PAPSS1: variants seen among roughly 807,000 people sequenced by gnomAD.
PAPSS1 encodes the protein bifunctional 3'-phosphoadenosine 5'-phosphosulfate synthase 1.
PAPSS1 carries 50 observed loss-of-function variants against 72.0 expected under a neutral mutation model. The observed-to-expected ratio is 0.69, with a 90% CI of 0.55 to 0.88. PAPSS1 has a LOEUF of 0.88. Ranked by LOEUF, PAPSS1 falls within the 40% of genes least tolerant of loss-of-function variation. The pLI is 0.00. For synonymous variants in PAPSS1, 261 were observed against 263.6 expected (o/e 0.99, Z 0.09); for missense variants, 657 against 782.2 (o/e 0.84, Z 1.91).
intron 10 of PAPSS1, among the ~76,000 whole-genome samples, chr4:107,633,391 C>A (rs1341879265): frequency 1.3e-5 from 2 of 152,090 alleles, no homozygotes; most frequent in African/African-American, 4.8e-5. Flanking sequence ...ATTTTAATCC[C>A]CTTTTTGCAC....
At chr4:107,678,247 A>T (rs1474414203) in intron 5 of PAPSS1, among the ~76,000 whole-genome samples, 3 of 6,508 alleles carry the variant, frequency 4.6e-4, no homozygotes, top group African/African-American at 5.3e-4. Flanking sequence ...TAAAAAAAAT[A>T]AGAGATGGAA....
chr4:107,693,723 A>G, intron 3 of PAPSS1, 48 bp downstream of exon 3: 1 of 1,331,636 alleles, frequency 7.5e-7, no homozygotes. Flanking sequence ...CTGATACCAT[A>G]TTCTCAATAA....
intron 9 of PAPSS1, among the ~76,000 whole-genome samples, chr4:107,651,389 T>G (rs553303946): frequency 2.0e-5 from 3 of 152,322 alleles, no homozygotes; most frequent in African/African-American, 7.2e-5. Flanking sequence ...AACCTTCACA[T>G]GAATAAAGTC....
intron 1 of PAPSS1, among the ~76,000 whole-genome samples, chr4:107,705,167 C>T (rs1471144479): frequency 6.6e-6 from 1 of 152,046 alleles, no homozygotes; most frequent in Admixed American, 6.6e-5. Flanking sequence ...GTAATGCTGG[C>T]CTCATAAAAT....
intron 4 of PAPSS1, among the ~76,000 whole-genome samples, chr4:107,685,576 G>A (rs898988027): frequency 2.0e-5 from 3 of 152,152 alleles, no homozygotes; most frequent in African/African-American, 7.2e-5. Context: ...AATTATTCTG[G>A]TTAAGCAGCC....
intron 10 of PAPSS1, among the ~76,000 whole-genome samples, chr4:107,635,800 T>A (rs1726362247): frequency 6.6e-6 from 1 of 152,208 alleles, no homozygotes; most frequent in Admixed American, 6.5e-5. Flanking sequence ...AATTATGTAA[T>A]AAACATTACT....
At chr4:107,620,227 A>G (rs1348138629) in intron 11 of PAPSS1, among the ~76,000 whole-genome samples, 1 of 152,238 alleles carries the variant, frequency 6.6e-6, no homozygotes, top group East Asian at 1.9e-4. Flanking sequence ...ACGAAAAATA[A>G]TAGTGGTAAC....
chr4:107,615,709 A>G (rs541258523), intron 11 of PAPSS1, among the ~76,000 whole-genome samples: 1 of 152,196 alleles, frequency 6.6e-6, no homozygotes, highest in East Asian at 1.9e-4. Flanking sequence ...TTAATGATAA[A>G]TAAAATAACC....
At chr4:107,709,719 G>A (rs9884413) in intron 1 of PAPSS1, among the ~76,000 whole-genome samples, 5,131 of 152,216 alleles carry the variant, frequency 0.034, 305 homozygotes, top group African/African-American at 0.12. Flanking sequence ...CCAACCAGAA[G>A]TGTACTTAAC....
At chr4:107,655,398 G>A (rs1726976325) in intron 7 of PAPSS1, among the ~76,000 whole-genome samples, 1 of 152,130 alleles carries the variant, frequency 6.6e-6, no homozygotes, top group Non-Finnish European at 1.5e-5. Flanking sequence ...GAGATAGGAA[G>A]ACAGAACTAT....
intron 1 of PAPSS1, among the ~76,000 whole-genome samples, chr4:107,709,423 T>C (rs60563026): frequency 0.029 from 4,454 of 152,272 alleles, 243 homozygotes; most frequent in African/African-American, 0.1. Flanking sequence ...ATTTAGTTTT[T>C]AGTTTAAATG....
intron 5 of PAPSS1, among the ~76,000 whole-genome samples, chr4:107,675,600 G>C (rs1459524550): frequency 6.6e-6 from 1 of 152,148 alleles, no homozygotes; most frequent in Non-Finnish European, 1.5e-5. Flanking sequence ...AATTCTACCA[G>C]AGGTACAAGG....
intron 9 of PAPSS1, 65 bp from the exon 10 acceptor site, chr4:107,645,135 G>C (rs1039281904): frequency 3.9e-6 from 5 of 1,288,446 alleles, no homozygotes; most frequent in Non-Finnish European, 5.1e-6. Context: ...CAAAGGATAC[G>C]CAATTTTTCT....
chr4:107,715,329 A>AT (rs1162110063), intron 1 of PAPSS1, among the ~76,000 whole-genome samples: 7 of 152,090 alleles, frequency 4.6e-5, no homozygotes, highest in African/African-American at 1.2e-4. Flanking sequence ...TCATCAGGCA[A>AT]TTTTTTTAGT....
At chr4:107,669,398 T>A (rs973368620) in intron 5 of PAPSS1, among the ~76,000 whole-genome samples, 1 of 152,236 alleles carries the variant, frequency 6.6e-6, no homozygotes, top group African/African-American at 2.4e-5. Flanking sequence ...ATTGCATTTT[T>A]AAATTCTACA....
intron 10 of PAPSS1, among the ~76,000 whole-genome samples, chr4:107,635,119 G>A (rs1578388574): frequency 6.6e-6 from 1 of 151,968 alleles, no homozygotes; most frequent in Non-Finnish European, 1.5e-5. Flanking sequence ...TATTTTTAAA[G>A]TTTTTTCTAA....
intron 1 of PAPSS1, among the ~76,000 whole-genome samples, chr4:107,709,565 C>T (rs1359263620): frequency 1.3e-5 from 2 of 152,196 alleles, no homozygotes; most frequent in African/African-American, 4.8e-5. Flanking sequence ...CCAGAAGTCA[C>T]AAGATTTTCA....
At chr4:107,637,329 C>G (rs763304398) in intron 10 of PAPSS1, among the ~76,000 whole-genome samples, 2 of 152,122 alleles carry the variant, frequency 1.3e-5, no homozygotes, top group Admixed American at 1.3e-4. Flanking sequence ...CACTTCCAAA[C>G]CTGGCAAAGA....
At chr4:107,632,407 A>C (rs1437340046) in intron 10 of PAPSS1, among the ~76,000 whole-genome samples, 3 of 151,972 alleles carry the variant, frequency 2.0e-5, no homozygotes, top group Admixed American at 1.3e-4. Context: ...TAAAAAAAAA[A>C]CCCTGTTGGA....
Sources: allele counts gnomAD v4.1 joint callset (sites outside exome capture counted in the v4.1 genomes callset), GRCh38; gene constraint gnomAD v4.1.1; transcripts MANE v1.5; gene names NCBI Gene and HGNC (gene_info 2026-07-23, HGNC 2026-07-21).